The following PTPRM variants were observed in gnomAD, a reference collection of about 807,000 sequenced individuals.
The protein encoded by PTPRM is protein tyrosine phosphatase receptor type M.
In PTPRM, 47 loss-of-function variants were observed where a neutral mutation model predicts 186.7. The ratio of observed to expected loss-of-function variants is 0.25; its 90% CI spans 0.20 to 0.32. PTPRM has a LOEUF of 0.32. PTPRM is among the 10% of genes least tolerant of loss of function. The pLI is 1.00. For synonymous variants in PTPRM, 668 were observed against 674.9 expected, an observed-to-expected ratio of 0.99 and a Z score of 0.16; for missense variants, 1,494 against 1,865.0, an observed-to-expected ratio of 0.80 and a Z score of 3.66.
At chr18:7,826,440 T>C (rs1598912043) in intron 2 of PTPRM, among the ~76,000 whole-genome samples, 1 of 152,238 alleles carries the variant, frequency 6.6e-6, no homozygotes, top group Non-Finnish European at 1.5e-5. Context: ...GGCTGACTTA[T>C]TAGTTGTGCT....
At chr18:8,315,213 AT>A (rs2095300291) in intron 21 of PTPRM, among the ~76,000 whole-genome samples, 2 of 152,130 alleles carry the variant, frequency 1.3e-5, no homozygotes, top group Admixed American at 6.5e-5. Context: ...TGTTATTTCC[AT>A]TTTTTTGTCA....
At chr18:7,749,331 A>C (rs1390409497) in intron 1 of PTPRM, 2 of 152,174 alleles carry the variant, frequency 1.3e-5, no homozygotes, top group East Asian at 1.9e-4. Context: ...TTAAAAAAAA[A>C]AACAACAAAA....
chr18:7,580,945 A>G (rs890212797), intron 1 of PTPRM, among the ~76,000 whole-genome samples: 4 of 152,212 alleles, frequency 2.6e-5, no homozygotes, highest in African/African-American at 9.6e-5. Context: ...TAAAATCCGT[A>G]TGATGACCTT....
At chr18:7,842,947 T>TAGAGAGAG (rs1555616950) in intron 2 of PTPRM, among the ~76,000 whole-genome samples, 80 of 112,110 alleles carry the variant, frequency 7.1e-4, no homozygotes, top group East Asian at 2.8e-3. Context: ...TATATATATA[T>TAGAGAGAG]AGAGAGAGAG....
In PTPRM at chr18:8,171,447, G is replaced by A. The variant is rs559139140; in HGVS notation, c.2300+27668G>A. On this transcript the variant is annotated intron_variant, in intron 14 of 32. Transcript: ENST00000580170. ...TGCCACTGGTCTGCCATAGATGTGG[G>A]ACTATGAGAAATGAGGAAATGTCAC... is the stretch of plus-strand genomic sequence containing the variant. Among the ~76,000 whole-genome samples, 30 of 152,268 alleles carry A rather than the reference G, an allele frequency of 2.0e-4. 1 individual carries two copies. The South Asian group carries it at 5.6e-3, about 28-fold the overall frequency.
At chr18:8,325,877 G>T (rs879571986) in intron 22 of PTPRM, among the ~76,000 whole-genome samples, 2 of 152,086 alleles carry the variant, frequency 1.3e-5, no homozygotes, top group Admixed American at 6.6e-5. Flanking sequence ...CATTCTAATT[G>T]GTGTGAGATG....
intron 1 of PTPRM, among the ~76,000 whole-genome samples, chr18:7,702,640 G>C (rs1568039182): frequency 2.0e-5 from 3 of 152,170 alleles, no homozygotes; most frequent in Non-Finnish European, 2.9e-5. Context: ...CCATTCTGGA[G>C]GTTGCCTGTT....
intron 1 of PTPRM, among the ~76,000 whole-genome samples, chr18:7,632,652 C>G (rs1189169977): frequency 6.6e-6 from 1 of 152,148 alleles, no homozygotes; most frequent in Non-Finnish European, 1.5e-5. Flanking sequence ...TTCCAGCCAT[C>G]AACTGTGCCA....
chr18:8,254,514 CAT>C (rs1568610798), intron 19 of PTPRM, among the ~76,000 whole-genome samples: 1 of 152,122 alleles, frequency 6.6e-6, no homozygotes, highest in South Asian at 2.1e-4. Flanking sequence ...ATTATGTAGA[CAT>C]GTGGTTTTTT....
chr18:7,920,634 C>A (rs2050806862), intron 4 of PTPRM, among the ~76,000 whole-genome samples: 1 of 152,068 alleles, frequency 6.6e-6, no homozygotes, highest in Non-Finnish European at 1.5e-5. Context: ...GATTGCACAC[C>A]ACAGCTGCAG....
At chr18:8,247,797 G>A (rs1422450389) in intron 15 of PTPRM, 48 bp from the exon 16 acceptor site, 1 of 1,387,988 alleles carries the variant, frequency 7.2e-7, no homozygotes, top group East Asian at 2.3e-5. Flanking sequence ...TGTGTTCAGA[G>A]TGTATTACCT....
At chr18:8,317,454 A>C (rs62089873) in intron 21 of PTPRM, among the ~76,000 whole-genome samples, 10,483 of 152,204 alleles carry the variant, frequency 0.069, 380 homozygotes, top group East Asian at 0.094. Context: ...GTATGCATCA[A>C]AATTCCCAGG....
intron 19 of PTPRM, among the ~76,000 whole-genome samples, chr18:8,289,982 A>G (rs1194593596): frequency 6.6e-6 from 1 of 152,194 alleles, no homozygotes; most frequent in Non-Finnish European, 1.5e-5. Flanking sequence ...ACACTGGAGA[A>G]TGACAGTGAC....
intron 11 of PTPRM, among the ~76,000 whole-genome samples, chr18:8,106,380 A>G (rs1600601688): frequency 6.6e-6 from 1 of 152,010 alleles, no homozygotes; most frequent in Non-Finnish European, 1.5e-5. Context: ...TGGTGACTGT[A>G]GCATTGCAGG....
At chr18:8,013,507 A>C (rs2084668720) in intron 7 of PTPRM, among the ~76,000 whole-genome samples, 1 of 152,212 alleles carries the variant, frequency 6.6e-6, no homozygotes, top group Non-Finnish European at 1.5e-5. Flanking sequence ...ACTATTCATC[A>C]AGTGGAGGTG....
At position 7,888,111 on chromosome 18, in the gene PTPRM, T is replaced by C; in HGVS notation, c.202T>C (p.Phe68Leu). The C allele has an allele frequency of 1.2e-6, 2 of 1,614,140 alleles. No individual in the cohort carries two copies. The highest frequency in any genetic ancestry group is 1.7e-6 in the Non-Finnish European group (2 of 1,179,990). The part of the protein sequence containing the change: ...TSDPWMPSGS[F>L]MLVNASGRPE... The stretch of plus-strand genomic sequence containing the variant: ...CCTTGATTTTGTTTTTGCAGGTTCT[T>C]TCATGCTGGTGAATGCCTCTGGGAG... The change falls in exon 3 of 33, where the codon TTC (phenylalanine) becomes CTC (leucine). Residue 68 changes from phenylalanine (F) to leucine (L), a missense_variant. Coordinates refer to ENST00000580170, the MANE Select transcript of PTPRM (RefSeq NM_001105244.2).
intron 14 of PTPRM, among the ~76,000 whole-genome samples, chr18:8,197,377 AATGTGG>A (rs1163123301): frequency 6.6e-6 from 1 of 152,210 alleles, no homozygotes; most frequent in Non-Finnish European, 1.5e-5. Flanking sequence ...TACAAATTTC[AATGTGG>A]TCATCAACTC....
chr18:8,298,744 G>A (rs762357507), intron 20 of PTPRM, among the ~76,000 whole-genome samples: 2 of 152,180 alleles, frequency 1.3e-5, no homozygotes, highest in Non-Finnish European at 2.9e-5. Context: ...GGTTAATAAG[G>A]TATGGAGGCA....
At chr18:8,176,597 C>T (rs1028075088) in intron 14 of PTPRM, among the ~76,000 whole-genome samples, 4 of 152,156 alleles carry the variant, frequency 2.6e-5, no homozygotes, top group Admixed American at 2.6e-4. Context: ...AACCAAAGTG[C>T]ACATCATCCC....
Sources: gnomAD v4.1 joint callset for allele counts (sites outside exome capture counted in the v4.1 genomes callset) on GRCh38, gnomAD v4.1.1 for gene constraint, MANE v1.5 for transcripts, NCBI Gene and HGNC (gene_info 2026-07-23, HGNC 2026-07-21) for gene names.